Variants in ZNF808 observed in about 807,000 individuals in gnomAD.
ZNF808 encodes zinc finger protein 808.
In ZNF808, 5 loss-of-function variants were observed where a neutral mutation model predicts 8.7. That is an observed-to-expected ratio of 0.58 (90% CI 0.30 to 1.21). The LOEUF (loss-of-function observed/expected upper bound fraction) is 1.21. Ranked by LOEUF, ZNF808 falls within the 50% of genes most tolerant of loss-of-function variation. The probability of loss-of-function intolerance (pLI) is 0.07; values close to 1 mark genes in which losing one functional copy is unlikely to be tolerated. For missense variants in ZNF808, 1,103 were observed against 1,098.4 expected, an observed-to-expected ratio of 1.00 and a Z score of -0.06; for synonymous variants, 380 against 366.0, an observed-to-expected ratio of 1.04 and a Z score of -0.44.
intron 2 of ZNF808, among the ~76,000 whole-genome samples, chr19:52,534,816 G>A (rs2059590155): frequency 6.6e-6 from 1 of 152,044 alleles, no homozygotes. Flanking sequence ...TTCAACCCAG[G>A]AGGCAGAGGC....
At chr19:52,564,654 A>G (rs1054061432), downstream of ZNF808, among the ~76,000 whole-genome samples, 2 of 152,074 alleles carry the variant, frequency 1.3e-5, no homozygotes, top group African/African-American at 2.4e-5. Flanking sequence ...GAAAAAATCT[A>G]TATAAAACAA....
At position 52,553,689 on chromosome 19, in the gene ZNF808, A is replaced by T; in HGVS notation, c.773A>T (p.Gln258Leu). ...KHQIPHLGDK[Q>L]YKCDVCGKLF... Reference sequence around the variant, plus strand: ...CAGATACCCCATTTAGGAGACAAACAATATAAATGTGATGTATGTGGCAAG... The same window carrying T: ...CAGATACCCCATTTAGGAGACAAACTATATAAATGTGATGTATGTGGCAAG... Residue 258 changes from glutamine to leucine, a missense_variant, in exon 5 of 5, where the codon CAA becomes CTA. Transcript: ENST00000359798. The T allele has an allele frequency of 9.3e-6, 15 of 1,614,114 alleles. No individual in the cohort carries two copies. The highest frequency in any genetic ancestry group is 1.3e-5 in the Non-Finnish European group (15 of 1,179,986).
intron 1 of ZNF808, among the ~76,000 whole-genome samples, chr19:52,531,661 A>G (rs1568476906): frequency 2.6e-5 from 4 of 152,076 alleles, no homozygotes; most frequent in Non-Finnish European, 2.9e-5. Context: ...TCTGCATCAT[A>G]TTTTTGATGT....
At chr19:52,561,889 C>T (rs1182717597) in intron 3 of ZNF808, among the ~76,000 whole-genome samples, 1 of 152,162 alleles carries the variant, frequency 6.6e-6, no homozygotes, top group Non-Finnish European at 1.5e-5. Flanking sequence ...TAGATGGCTT[C>T]ACATATTGCA....
At chr19:52,527,889 T>C (rs329949) in intron 1 of ZNF808, 178 bp downstream of exon 1, 12,509 of 152,590 alleles carry the variant, frequency 0.082, 699 homozygotes, top group African/African-American at 0.16. Context: ...TAAAGTCGTC[T>C]GGAGGCTGGT....
At chr19:52,565,278 G>T (rs1242398464), downstream of ZNF808, among the ~76,000 whole-genome samples, 1 of 151,722 alleles carries the variant, frequency 6.6e-6, no homozygotes, top group African/African-American at 2.4e-5. Context: ...AACTCCATCT[G>T]AAAAAATAAA....
downstream of ZNF808, among the ~76,000 whole-genome samples, chr19:52,566,749 C>G (rs937267809): frequency 1.3e-4 from 20 of 152,200 alleles, 1 homozygote; most frequent in Admixed American, 1.0e-3. Context: ...TCCATTAAAA[C>G]TAGCAACATA....
Position 52,555,438 on chromosome 19 carries a change from A to G in ZNF808, c.2522A>G (p.His841Arg). Residue 841 changes from histidine (H) to arginine (R), a missense_variant, in exon 5 of 5, where the codon CAT (histidine) becomes CGT (arginine). Coordinates refer to ENST00000359798, the MANE Select transcript of ZNF808 (RefSeq NM_001039886.4). ...CACCTTTCACGTCATCATAGAATTCATACTGGAGAGAAACCTTACAAATGT... is the reference window on the plus strand; with the variant it reads ...CACCTTTCACGTCATCATAGAATTCGTACTGGAGAGAAACCTTACAAATGT... ...QSHLSRHHRIHTGEKPYKCEA... is the reference protein window; with the variant it reads ...QSHLSRHHRIRTGEKPYKCEA... 1.2e-6 allele frequency: 2 copies of G among 1,614,138 alleles called. No homozygotes were observed. The highest frequency in any genetic ancestry group is 8.5e-7 in the Non-Finnish European group (1 of 1,179,972).
chr19:52,564,947 G>A (rs1220419868), downstream of ZNF808, among the ~76,000 whole-genome samples: 1 of 152,068 alleles, frequency 6.6e-6, no homozygotes, highest in African/African-American at 2.4e-5. Context: ...TGAGCCAGGC[G>A]CTGTGGCAGG....
chr19:52,532,420 G>A (rs1215455535), intron 1 of ZNF808, among the ~76,000 whole-genome samples: 1 of 151,998 alleles, frequency 6.6e-6, no homozygotes, highest in African/African-American at 2.4e-5. Context: ...TATCTTCTCT[G>A]TGCTACGATT....
intron 4 of ZNF808, among the ~76,000 whole-genome samples, chr19:52,549,506 G>C (rs912263977): frequency 7.9e-5 from 12 of 152,150 alleles, no homozygotes; most frequent in African/African-American, 2.9e-4. Context: ...CTGCTTTTTT[G>C]GATCTCTTTC....
Position 52,553,161 on chromosome 19 carries a change from G to C in ZNF808, c.245G>C (p.Arg82Thr), listed in dbSNP as rs781451094. Reference sequence around the variant, plus strand: ...GTCTTGTCAACAGGGCAAGGCAATAGAGAAGTGATCCACACAGGGACATTG... The same window carrying C: ...GTCTTGTCAACAGGGCAAGGCAATACAGAAGTGATCCACACAGGGACATTG... Reference protein sequence around the residue: ...KEVLSTGQGNREVIHTGTLQR... With the variant: ...KEVLSTGQGNTEVIHTGTLQR... The change falls in exon 5 of 5, where the codon AGA becomes ACA. Residue 82 changes from arginine (R) to threonine (T), a missense_variant. By Grantham distance (71) the Arg-to-Thr change is moderately conservative. Coordinates refer to ENST00000359798, the MANE Select transcript of ZNF808 (RefSeq NM_001039886.4). 6.2e-5 allele frequency: 100 copies of C among 1,602,446 alleles called. No homozygotes were observed. Among genetic ancestry groups the C allele is most frequent in the Middle Eastern group, 1.7e-4 (1 of 6,002 alleles).
chr19:52,562,019 G>A (rs2059859925), intron 3 of ZNF808, among the ~76,000 whole-genome samples: 1 of 152,116 alleles, frequency 6.6e-6, no homozygotes, highest in Non-Finnish European at 1.5e-5. Context: ...GTTAGAAATA[G>A]CTTAGACTGG....
At chr19:52,543,643 C>G (rs2059693874) in intron 3 of ZNF808, among the ~76,000 whole-genome samples, 1 of 152,144 alleles carries the variant, frequency 6.6e-6, no homozygotes, top group African/African-American at 2.4e-5. Flanking sequence ...CCGTTGATGT[C>G]AGAGCTGCTG....
chr19:52,561,194 CTCTCTCTCTCTCTCTCTCTA>C (rs1335184979), downstream of ZNF808, among the ~76,000 whole-genome samples: 1,130 of 68,608 alleles, frequency 0.016, 8 homozygotes, highest in Middle Eastern at 0.028. Context: ...CTCTCTCTCT[CTCTCTCTCTCTCTCTCTCTA>C]TATATATATA....
intron 4 of ZNF808, 24 bp from the exon 5 acceptor site, chr19:52,553,083 T>C (rs768802120): frequency 1.3e-6 from 2 of 1,515,948 alleles, no homozygotes; most frequent in Admixed American, 4.7e-5. Context: ...TAATTGGAAA[T>C]GTATTGGTGT....
chr19:52,555,211 T>G lies in ZNF808; in HGVS notation c.2295T>G (p.Cys765Trp). The G allele has an allele frequency of 6.2e-7, 1 of 1,614,064 alleles. No homozygotes were observed. Among genetic ancestry groups the G allele is most frequent in the Non-Finnish European group, 8.5e-7 (1 of 1,179,996 alleles). Reference protein sequence around the residue: ...RLHSGEKPYKCNDCGNTFRHW... With the variant: ...RLHSGEKPYKWNDCGNTFRHW... ...ATAGTGGTGAGAAACCTTACAAGTGTAACGACTGTGGCAATACCTTCCGTC... is the reference window on the plus strand; with the variant it reads ...ATAGTGGTGAGAAACCTTACAAGTGGAACGACTGTGGCAATACCTTCCGTC... Residue 765 changes from cysteine (C) to tryptophan (W), a missense_variant, in exon 5 of 5, where the codon TGT becomes TGG. Physicochemically the swap from Cys to Trp is radical, Grantham distance 215 (BLOSUM62 -2). Transcript: ENST00000359798.
intron 4 of ZNF808, among the ~76,000 whole-genome samples, chr19:52,551,463 C>T (rs59230195): frequency 0.041 from 6,166 of 151,908 alleles, 386 homozygotes; most frequent in African/African-American, 0.13. Context: ...TTCTTGACCT[C>T]ATACATCAGA....
intron 2 of ZNF808, among the ~76,000 whole-genome samples, chr19:52,534,961 T>A (rs1348298301): frequency 1.3e-5 from 2 of 151,776 alleles, no homozygotes; most frequent in Non-Finnish European, 2.9e-5. Context: ...CTGGGACAAC[T>A]AACTGGATAT....
Sources: gnomAD v4.1 joint callset for allele counts (sites outside exome capture counted in the v4.1 genomes callset) on GRCh38, gnomAD v4.1.1 for gene constraint, MANE v1.5 for transcripts, NCBI Gene and HGNC (gene_info 2026-07-23, HGNC 2026-07-21) for gene names.